NISCH: variants seen among roughly 807,000 people sequenced by gnomAD.
The protein encoded by NISCH is nischarin.
Under a neutral mutation model 138.4 loss-of-function variants are expected in NISCH, and 55 were observed. The observed-to-expected ratio is 0.40, with a 90% CI of 0.32 to 0.50. NISCH has a LOEUF of 0.50. NISCH is among the 20% of genes least tolerant of loss of function. The probability of loss-of-function intolerance (pLI) is 0.71; values close to 1 mark genes in which losing one functional copy is unlikely to be tolerated. For synonymous variants in NISCH, 860 were observed against 861.5 expected, an observed-to-expected ratio of 1.00 and a Z score of 0.03; for missense variants, 1,643 against 2,005.5, an observed-to-expected ratio of 0.82 and a Z score of 3.45.
intron 3 of NISCH, 96 bp from the exon 4 acceptor site, chr3:52,470,763 G>A: frequency 1.0e-6 from 1 of 972,734 alleles, no homozygotes; most frequent in Non-Finnish European, 1.7e-6. Context: ...TAGAGAGATG[G>A]CACTGGCACA....
chr3:52,487,962 C>T lies in NISCH; in HGVS notation c.2470C>T (p.Leu824Phe). 2 of 1,611,944 alleles carry T rather than the reference C, an allele frequency of 1.2e-6. No homozygotes were observed. Among genetic ancestry groups the T allele is most frequent in the Non-Finnish European group, 1.7e-6 (2 of 1,179,934 alleles). The change falls in exon 16 of 21, where the codon CTC becomes TTC. Residue 824 changes from leucine to phenylalanine, a missense_variant. Leu to Phe is a conservative substitution (Grantham distance 22, BLOSUM62 0). Transcript: ENST00000345716. The surrounding 1 kb of genome is among the most constrained non-coding windows in gnomAD (Gnocchi z 9.1). ...CATGGCCATGCTGTGTAGCCCCATC[C>T]TCTACGGCAGCCACACCAGCCTGCA... Reference protein sequence around the residue: ...QHMAMLCSPILYGSHTSLQEF... With the variant: ...QHMAMLCSPIFYGSHTSLQEF...
chr3:52,484,302 T>G, intron 13 of NISCH: 14 of 520,282 alleles, frequency 2.7e-5, no homozygotes, highest in Non-Finnish European at 3.8e-5. Context: ...CTCCCTGCCC[T>G]GAGATTAGAT....
chr3:52,466,791 G>A (rs759224233), intron 3 of NISCH, among the ~76,000 whole-genome samples: 3 of 152,040 alleles, frequency 2.0e-5, no homozygotes, highest in Non-Finnish European at 2.9e-5. Flanking sequence ...CAGGGCATGT[G>A]CGCAGGCATT....
intron 7 of NISCH, among the ~76,000 whole-genome samples, chr3:52,474,221 C>T (rs945158671): frequency 6.6e-6 from 1 of 152,200 alleles, no homozygotes; most frequent in African/African-American, 2.4e-5. Context: ...TCAAGCGATT[C>T]TCCTACCTCA....
At chr3:52,478,905 C>T (rs945169178) in intron 11 of NISCH, among the ~76,000 whole-genome samples, 5 of 152,176 alleles carry the variant, frequency 3.3e-5, no homozygotes, top group African/African-American at 7.2e-5. Context: ...GCCAGTGTAG[C>T]CCAGCCTGGT....
At position 52,484,749 on chromosome 3, in the gene NISCH, G is replaced by A. The variant is rs547726955; in HGVS notation, c.1653+112G>A. The A allele has an allele frequency of 2.3e-5, 30 of 1,278,038 alleles. 1 individual carries two copies. The South Asian group carries it at 3.9e-4, about 16-fold the overall frequency. 79.2% of individuals were successfully genotyped at this position (1,278,038 alleles called of 1,614,324 possible). ...CTGGAGCTGAGGCAGATGCTTCCAG[G>A]GTTTGGCGTCCTCTGCTTTGTGCCA... On this transcript the variant is annotated intron_variant, in intron 14 of 20. Coordinates refer to ENST00000345716, the MANE Select transcript of NISCH (RefSeq NM_007184.4).
intron 13 of NISCH, chr3:52,481,843 C>T (rs910894598): frequency 1.5e-5 from 15 of 985,506 alleles, no homozygotes; most frequent in Admixed American, 6.1e-5. Flanking sequence ...AGTCTGTCCC[C>T]GCCATCGCTG....
intron 7 of NISCH, 70 bp downstream of exon 7, chr3:52,473,899 C>T: frequency 9.8e-7 from 1 of 1,020,828 alleles, no homozygotes. Flanking sequence ...GTCTCCACCA[C>T]TAAGGATGGG....
At chr3:52,476,317 C>T (rs1578294759) in intron 7 of NISCH, 130 bp from the exon 8 acceptor site, 1 of 981,426 alleles carries the variant, frequency 1.0e-6, no homozygotes, top group East Asian at 2.5e-5. Flanking sequence ...CAAAGGCATG[C>T]TTTAATGCAA....
At chr3:52,473,961 T>A (rs1206389750) in intron 7 of NISCH, 132 bp downstream of exon 7, 1 of 516,212 alleles carries the variant, frequency 1.9e-6, no homozygotes, top group African/African-American at 1.9e-5. Flanking sequence ...TTCTGTGGGG[T>A]AGGCAGACAC....
chr3:52,470,037 T>C (rs1706898045), intron 3 of NISCH, among the ~76,000 whole-genome samples: 1 of 149,494 alleles, frequency 6.7e-6, no homozygotes. Flanking sequence ...TGAGCTATGG[T>C]CATACCATTG....
chr3:52,473,949 CCTT>C (rs1707025142), intron 7 of NISCH, 120 bp downstream of exon 7: 3 of 568,344 alleles, frequency 5.3e-6, no homozygotes, highest in Non-Finnish European at 9.1e-6. Flanking sequence ...AGAGGCTGGA[CCTT>C]CTGTGGGGTA....
In NISCH at chr3:52,488,171, C is replaced by T; in HGVS notation, c.2679C>T (p.Ser893=). 6.2e-7 allele frequency: 1 copy of T among 1,613,376 alleles called. No individual in the cohort carries two copies. The highest frequency in any genetic ancestry group is 8.5e-7 in the Non-Finnish European group (1 of 1,179,966). The change falls in exon 16 of 21, where the codon TCC becomes TCT. Residue 893 remains serine, a synonymous_variant. Transcript: ENST00000345716. ...SCTLCSAVRR[S]CCAPSEAVKS... ...CACTCTGTTCAGCCGTGCGGCGCTC[C>T]TGCTGCGCGCCCTCTGAGGCCGTCA...
chr3:52,465,023 T>G (rs1706742520), intron 3 of NISCH, among the ~76,000 whole-genome samples: 1 of 152,178 alleles, frequency 6.6e-6, no homozygotes, highest in Non-Finnish European at 1.5e-5. Flanking sequence ...AGATTTTGAT[T>G]AAGTTCAATT....
At position 52,473,703 on chromosome 3, in the gene NISCH, G is replaced by A. The variant is rs13094915; in HGVS notation, c.670-31G>A. 59 of 1,493,322 alleles carry A rather than the reference G, an allele frequency of 4.0e-5. 1 individual carries two copies. The South Asian group carries it at 6.9e-4, about 17-fold the overall frequency. 92.5% of individuals were successfully genotyped at this position (1,493,322 alleles called of 1,614,324 possible). On this transcript the variant is annotated intron_variant, in intron 6 of 20. Coordinates refer to ENST00000345716, the MANE Select transcript of NISCH (RefSeq NM_007184.4). Reference sequence around the variant, plus strand: ...GGACTTCTGACGGAGCAAGGATTCTGTTTCTGAGATGCAGCTGTTCTTTGT... The same window carrying A: ...GGACTTCTGACGGAGCAAGGATTCTATTTCTGAGATGCAGCTGTTCTTTGT...
Position 52,490,136 on chromosome 3 carries a change from G to T in NISCH, c.3518G>T (p.Gly1173Val). The change falls in exon 18 of 21, where the codon GGG (glycine) becomes GTG (valine). Residue 1173 changes from glycine to valine, a missense_variant. Coordinates refer to ENST00000345716, the MANE Select transcript of NISCH (RefSeq NM_007184.4). ...TCGGTGGTGTTCTACCAGACCCCAGGGCTGGAGGTGACTGCCTGCGTGCTG... is the reference window on the plus strand; with the variant it reads ...TCGGTGGTGTTCTACCAGACCCCAGTGCTGGAGGTGACTGCCTGCGTGCTG... ...WSSVVFYQTP[G>V]LEVTACVLLS... 1 of 1,613,564 alleles carries T rather than the reference G, an allele frequency of 6.2e-7. No individual in the cohort carries two copies.
At chr3:52,468,836 A>C (rs186935781) in intron 3 of NISCH, among the ~76,000 whole-genome samples, 1 of 152,328 alleles carries the variant, frequency 6.6e-6, no homozygotes, top group African/African-American at 2.4e-5. Context: ...TTAAAGAACC[A>C]AAAGAAAATT....
intron 3 of NISCH, among the ~76,000 whole-genome samples, chr3:52,462,089 T>TAC (rs1220126427): frequency 6.6e-6 from 1 of 152,198 alleles, no homozygotes; most frequent in African/African-American, 2.4e-5. Flanking sequence ...TGGGGCCGGC[T>TAC]ACATCTGGTT....
rs1491350048 is a variant in NISCH, at chr3:52,492,616, A to ATG, written c.*144_*145dup. ...GACTGTCCTCGCAGAGAATGTGAAC[A>ATG]TGTGTGTGTGTTGTGTTAATTCTTT... On this transcript the variant is annotated 3_prime_UTR_variant, in exon 21 of 21. Coordinates refer to ENST00000345716, the MANE Select transcript of NISCH (RefSeq NM_007184.4). 1.6e-5 allele frequency: 18 copies of ATG among 1,147,534 alleles called. No individual in the cohort carries two copies. The East Asian group carries it at 4.4e-4, about 28-fold the overall frequency. 71.1% of individuals were successfully genotyped at this position (1,147,534 alleles called of 1,614,324 possible).
Sources: gnomAD v4.1 joint callset for allele counts (sites outside exome capture counted in the v4.1 genomes callset) on GRCh38, gnomAD v4.1.1 for gene constraint, Gnocchi (gnomAD v3.1) non-coding constraint, MANE v1.5 for transcripts, NCBI Gene and HGNC (gene_info 2026-07-23, HGNC 2026-07-21) for gene names.